Variants in BAZ2B observed in about 807,000 individuals in gnomAD.
The protein encoded by BAZ2B is bromodomain adjacent to zinc finger domain 2B.
In BAZ2B, 91 loss-of-function variants were observed where a neutral mutation model predicts 246.0. The observed-to-expected ratio is 0.37, with a 90% CI of 0.31 to 0.44. The LOEUF (loss-of-function observed/expected upper bound fraction) is 0.44. Ranked by LOEUF, BAZ2B falls within the 20% of genes least tolerant of loss-of-function variation. BAZ2B has a pLI of 1.00. For synonymous variants in BAZ2B, 855 were observed against 860.0 expected (o/e 0.99, Z 0.10); for missense variants, 2,332 against 2,533.7 (o/e 0.92, Z 1.71).
intron 1 of BAZ2B, among the ~76,000 whole-genome samples, chr2:159,581,908 A>G (rs1031579594): frequency 8.7e-6 from 1 of 115,228 alleles, no homozygotes; most frequent in Non-Finnish European, 1.7e-5. Flanking sequence ...AACATCACAC[A>G]CTAGGGCCTG....
At chr2:159,427,757 A>T (rs1412012772) in intron 13 of BAZ2B, among the ~76,000 whole-genome samples, 184 bp downstream of exon 13, 2 of 152,142 alleles carry the variant, frequency 1.3e-5, no homozygotes, top group East Asian at 3.8e-4. Context: ...CTATTATGTC[A>T]AAGCTCCTTG....
chr2:159,439,429 G>T (rs556318660), intron 6 of BAZ2B, among the ~76,000 whole-genome samples: 1 of 152,240 alleles, frequency 6.6e-6, no homozygotes, highest in African/African-American at 2.4e-5. Context: ...CTGTCATGTA[G>T]AATATTGAAA....
chr2:159,351,715 G>C (rs1471985983), intron 27 of BAZ2B, among the ~76,000 whole-genome samples: 1 of 151,916 alleles, frequency 6.6e-6, no homozygotes, highest in Non-Finnish European at 1.5e-5. Context: ...TCTTTTCATA[G>C]GTTTATTGGT....
chr2:159,613,835 A>C (rs1451705062), intron 1 of BAZ2B, among the ~76,000 whole-genome samples: 1 of 152,200 alleles, frequency 6.6e-6, no homozygotes, highest in Admixed American at 6.5e-5. Context: ...CACTCAACTC[A>C]GTCAAGCTTT....
At chr2:159,403,502 A>C (rs902926747) in intron 16 of BAZ2B, among the ~76,000 whole-genome samples, 6 of 152,286 alleles carry the variant, frequency 3.9e-5, no homozygotes, top group African/African-American at 1.4e-4. Context: ...AAACTTTTTC[A>C]ATAAAAGTAT....
intron 20 of BAZ2B, among the ~76,000 whole-genome samples, chr2:159,394,732 G>T (rs899676508): frequency 1.3e-5 from 2 of 152,038 alleles, no homozygotes; most frequent in Non-Finnish European, 2.9e-5. Flanking sequence ...CATACACAGA[G>T]ACACATATCC....
At chr2:159,528,770 G>C (rs2085034859) in intron 2 of BAZ2B, among the ~76,000 whole-genome samples, 1 of 151,880 alleles carries the variant, frequency 6.6e-6, no homozygotes, top group South Asian at 2.1e-4. Context: ...TAACCTGTAG[G>C]ATTGTCTAAT....
intron 1 of BAZ2B, among the ~76,000 whole-genome samples, chr2:159,612,409 A>T (rs1394610978): frequency 6.6e-6 from 1 of 152,148 alleles, no homozygotes; most frequent in Non-Finnish European, 1.5e-5. Context: ...AAATATATTA[A>T]TAATCACTAA....
At chr2:159,592,992 A>T (rs1246877602) in intron 1 of BAZ2B, among the ~76,000 whole-genome samples, 1 of 152,226 alleles carries the variant, frequency 6.6e-6, no homozygotes, top group Non-Finnish European at 1.5e-5. Context: ...GATACTTAGC[A>T]AATAAATGAT....
At chr2:159,404,805 A>AT in intron 16 of BAZ2B, 44 bp downstream of exon 16, 2 of 1,509,156 alleles carry the variant, frequency 1.3e-6, no homozygotes, top group Non-Finnish European at 1.8e-6. Context: ...AATCCTCAAA[A>AT]TAAGTCCCAT....
At chr2:159,576,754 A>C (rs1685410055) in intron 1 of BAZ2B, among the ~76,000 whole-genome samples, 1 of 151,716 alleles carries the variant, frequency 6.6e-6, no homozygotes, top group Non-Finnish European at 1.5e-5. Context: ...TCTACTAAAA[A>C]TACAAAAAAT....
rs758493079 is a variant in BAZ2B, at chr2:159,349,182, T to C, written c.4962A>G (p.Leu1654=). 1 of 1,614,088 alleles carries C rather than the reference T, an allele frequency of 6.2e-7. No individual in the cohort carries two copies. Among genetic ancestry groups the C allele is most frequent in the South Asian group, 1.1e-5 (1 of 91,080 alleles). Residue 1654 remains leucine (L), a synonymous_variant, in exon 29 of 37, where the codon CTA becomes CTG. Transcript: ENST00000392783. The stretch of plus-strand genomic sequence containing the variant: ...CTTCTGATAACCCTAACCCCGATCC[T>C]AGACTAGGTACAGATGATGTAAATG... ...NIPFTSSVPS[L]GSGLGLSEGN...
chr2:159,556,267 T>A (rs978168141), intron 1 of BAZ2B, among the ~76,000 whole-genome samples: 1 of 152,210 alleles, frequency 6.6e-6, no homozygotes, highest in Non-Finnish European at 1.5e-5. Context: ...TTTCTGTCTA[T>A]GATTATCAGT....
chr2:159,551,361 C>T (rs1419215494), intron 2 of BAZ2B, among the ~76,000 whole-genome samples: 1 of 150,168 alleles, frequency 6.7e-6, no homozygotes, highest in Non-Finnish European at 1.5e-5. Context: ...CCCACCTACT[C>T]AGGAGGCTGA....
chr2:159,710,798 TGTAGA>T, the BAZ2B span: 1 of 152,210 alleles, frequency 6.6e-6, no homozygotes. Flanking sequence ...TTGGGAGTTC[TGTAGA>T]GTAGTTACCA....
chr2:159,623,012 G>A, the BAZ2B span, among the ~76,000 whole-genome samples: 1 of 132,168 alleles, frequency 7.6e-6, no homozygotes, highest in Non-Finnish European at 1.6e-5. Flanking sequence ...AGAGAAACAG[G>A]AAAGGAAAGA....
Position 159,448,840 on chromosome 2 carries a change from T to C in BAZ2B, c.335-431A>G, listed in dbSNP as rs548516291. On this transcript the variant is annotated intron_variant, in intron 4 of 36. Transcript: ENST00000392783. The stretch of plus-strand genomic sequence containing the variant: ...ACATACAATATAAATCTGGCTCTGA[T>C]AAATCAGTTAGTCTAAATAATAATA... 6.6e-5 allele frequency among the ~76,000 whole-genome samples: 10 copies of C among 152,302 alleles called. No individual in the cohort carries two copies. The East Asian group carries it at 1.3e-3, about 21-fold the overall frequency.
At chr2:159,382,948 T>A in intron 24 of BAZ2B, 146 bp from the exon 25 acceptor site, 1 of 1,126,656 alleles carries the variant, frequency 8.9e-7, no homozygotes, top group Non-Finnish European at 1.2e-6. Flanking sequence ...AAATTAGAAT[T>A]AGGAAACTTA....
At chr2:159,425,479 C>A (rs1248774998) in intron 13 of BAZ2B, among the ~76,000 whole-genome samples, 1 of 152,180 alleles carries the variant, frequency 6.6e-6, no homozygotes, top group Non-Finnish European at 1.5e-5. Context: ...CAATGCCCGG[C>A]CTGTTTTTCA....
Sources: gnomAD v4.1 joint callset for allele counts (sites outside exome capture counted in the v4.1 genomes callset) on GRCh38, gnomAD v4.1.1 for gene constraint, MANE v1.5 for transcripts, NCBI Gene and HGNC (gene_info 2026-07-23, HGNC 2026-07-21) for gene names.